DCC: variants seen among roughly 807,000 people sequenced by gnomAD.
DCC encodes netrin receptor DCC.
DCC carries 58 observed loss-of-function variants against 172.5 expected under a neutral mutation model. The observed-to-expected ratio is 0.34, with a 90% CI of 0.27 to 0.42. The LOEUF is 0.42. Among genes scored for constraint, DCC ranks in the 10% least tolerant of loss-of-function variants. The probability of loss-of-function intolerance (pLI) is 1.00; values close to 1 mark genes in which losing one functional copy is unlikely to be tolerated. For synonymous variants in DCC, 709 were observed against 644.5 expected (o/e 1.10, Z -1.52); for missense variants, 1,740 against 1,791.0 (o/e 0.97, Z 0.51).
intron 9 of DCC, among the ~76,000 whole-genome samples, chr18:53,185,724 C>T (rs1292954401): frequency 6.6e-6 from 1 of 152,112 alleles, no homozygotes; most frequent in Non-Finnish European, 1.5e-5. Flanking sequence ...AAATGCAAGT[C>T]AGAAATGGTC....
At chr18:53,287,098 A>AC (rs1464801496) in intron 12 of DCC, among the ~76,000 whole-genome samples, 1 of 152,018 alleles carries the variant, frequency 6.6e-6, no homozygotes, top group African/African-American at 2.4e-5. Flanking sequence ...ACATTTTGTC[A>AC]CCCCTAAAAG....
chr18:52,663,285 C>A (rs1333680567), intron 1 of DCC, among the ~76,000 whole-genome samples: 2 of 152,022 alleles, frequency 1.3e-5, no homozygotes, highest in African/African-American at 2.4e-5. Flanking sequence ...GGGAAAGAAC[C>A]AATAAAGAGG....
intron 13 of DCC, among the ~76,000 whole-genome samples, chr18:53,311,981 A>G (rs1198497225): frequency 6.6e-6 from 1 of 152,158 alleles, no homozygotes; most frequent in Non-Finnish European, 1.5e-5. Flanking sequence ...ACAAGGATGG[A>G]AAAAGATGTC....
intron 2 of DCC, among the ~76,000 whole-genome samples, chr18:52,770,386 T>C (rs2037320843): frequency 6.6e-6 from 1 of 152,226 alleles, no homozygotes; most frequent in South Asian, 2.1e-4. Flanking sequence ...GAGCTATCTG[T>C]TGAGTGTTTA....
At chr18:53,216,748 C>T (rs1401280665) in intron 12 of DCC, among the ~76,000 whole-genome samples, 3 of 152,022 alleles carry the variant, frequency 2.0e-5, no homozygotes, top group Middle Eastern at 3.4e-3. Flanking sequence ...TACTTTTAGG[C>T]AATATGTTGG....
At chr18:52,527,881 G>A (rs937966363) in intron 1 of DCC, among the ~76,000 whole-genome samples, 2 of 152,146 alleles carry the variant, frequency 1.3e-5, no homozygotes, top group Non-Finnish European at 2.9e-5. Context: ...GAGAGCAACT[G>A]GTCAGATCCC....
intron 1 of DCC, among the ~76,000 whole-genome samples, chr18:52,730,068 C>T (rs150590298): frequency 5.9e-5 from 9 of 152,092 alleles, no homozygotes; most frequent in African/African-American, 2.2e-4. Flanking sequence ...TCTAAATAAC[C>T]TGGTAATTAC....
chr18:52,671,532 CTT>C (rs761856360), intron 1 of DCC, among the ~76,000 whole-genome samples: 108 of 116,958 alleles, frequency 9.2e-4, no homozygotes, highest in Non-Finnish European at 1.1e-3. Context: ...ATATGCCAAC[CTT>C]TTTTTTTTTT....
intron 12 of DCC, among the ~76,000 whole-genome samples, chr18:53,276,595 G>T (rs995726670): frequency 3.3e-5 from 5 of 152,072 alleles, no homozygotes; most frequent in African/African-American, 1.2e-4. Context: ...TTATTAATGT[G>T]ACTTGAGAGA....
intron 5 of DCC, among the ~76,000 whole-genome samples, chr18:52,958,688 G>T (rs1036746171): frequency 6.6e-6 from 1 of 152,114 alleles, no homozygotes; most frequent in Non-Finnish European, 1.5e-5. Flanking sequence ...GATAAAGAAG[G>T]ATGTAAATTT....
chr18:52,975,899 G>A (rs1265876933), intron 5 of DCC, among the ~76,000 whole-genome samples: 1 of 152,244 alleles, frequency 6.6e-6, no homozygotes, highest in Non-Finnish European at 1.5e-5. Context: ...GGGTCAAATG[G>A]TATTTCTGCT....
intron 15 of DCC, among the ~76,000 whole-genome samples, chr18:53,367,362 G>A (rs2058018124): frequency 6.6e-6 from 1 of 151,950 alleles, no homozygotes; most frequent in South Asian, 2.1e-4. Context: ...GCTCTCCTTA[G>A]GATTTGAGTT....
intron 5 of DCC, among the ~76,000 whole-genome samples, chr18:53,052,864 G>T (rs534860998): frequency 6.6e-6 from 1 of 152,144 alleles, no homozygotes; most frequent in African/African-American, 2.4e-5. Context: ...AAAAGGAAAT[G>T]CCAGGCACGA....
intron 1 of DCC, among the ~76,000 whole-genome samples, chr18:52,747,953 C>A (rs1185608171): frequency 6.6e-6 from 1 of 152,196 alleles, no homozygotes; most frequent in Non-Finnish European, 1.5e-5. Flanking sequence ...CAACACGCAG[C>A]GCTCCTGCCT....
intron 2 of DCC, 22 bp downstream of exon 2, chr18:52,752,396 TTCCTCC>T: frequency 6.5e-7 from 1 of 1,544,058 alleles, no homozygotes; most frequent in Non-Finnish European, 9.0e-7. Context: ...CTTCCTTCTC[TTCCTCC>T]TCCTCCTTCC....
intron 6 of DCC, 136 bp downstream of exon 6, chr18:53,063,595 A>G (rs2042526767): frequency 4.4e-6 from 3 of 682,596 alleles, no homozygotes; most frequent in South Asian, 3.7e-5. Flanking sequence ...TTATTCAAAT[A>G]AAGCAAATGA....
In DCC at chr18:53,370,619, GT is replaced by G. The variant is rs368589174; in HGVS notation, c.2360-15422del. Among the ~76,000 whole-genome samples the G allele has an allele frequency of 6.6e-5, 10 of 151,778 alleles. No homozygotes were observed. The East Asian group carries it at 1.9e-3, about 29-fold the overall frequency. On this transcript the variant is annotated intron_variant, in intron 15 of 28. Transcript: ENST00000442544. ...TTCCATGTATTTTCTAATTTCCTTT[GT>G]TGTTTAAGAGTGTATTGTGTTATTT...
chr18:53,508,325 TGGGACTACAG>T (rs2046208705), intron 27 of DCC, among the ~76,000 whole-genome samples: 1 of 152,092 alleles, frequency 6.6e-6, no homozygotes, highest in Non-Finnish European at 1.5e-5. Flanking sequence ...CCCGAGTAAC[TGGGACTACAG>T]GTGAGCGACA....
chr18:53,007,236 G>T (rs1465366092), intron 5 of DCC, among the ~76,000 whole-genome samples: 1 of 152,144 alleles, frequency 6.6e-6, no homozygotes, highest in South Asian at 2.1e-4. Context: ...ATAATTTAGG[G>T]CTGTGTGGTT....
Sources: gnomAD v4.1 joint callset for allele counts (sites outside exome capture counted in the v4.1 genomes callset) on GRCh38, gnomAD v4.1.1 for gene constraint, MANE v1.5 for transcripts, NCBI Gene and HGNC (gene_info 2026-07-23, HGNC 2026-07-21) for gene names.